BCL7B: variants seen among roughly 807,000 people sequenced by gnomAD.
BCL7B encodes BAF chromatin remodeling complex subunit BCL7B, also known as B-cell CLL/lymphoma 7 protein family member B.
In BCL7B, 11 loss-of-function variants were observed where a neutral mutation model predicts 26.5. That is an observed-to-expected ratio of 0.42 (90% CI 0.26 to 0.69). The LOEUF (loss-of-function observed/expected upper bound fraction) is 0.69. Ranked by LOEUF, BCL7B falls within the 30% of genes least tolerant of loss-of-function variation. The pLI is 0.28. For missense variants in BCL7B, 215 were observed against 264.4 expected (o/e 0.81, Z 1.30); for synonymous variants, 111 against 107.9 (o/e 1.03, Z -0.18).
chr7:73,543,520 G>A (rs781793077), intron 3 of BCL7B, 28 bp downstream of exon 3: 18 of 1,594,072 alleles, frequency 1.1e-5, no homozygotes, highest in Non-Finnish European at 1.0e-5. Context: ...TCATTCTCCT[G>A]CAAGGAAGAC....
chr7:73,538,963 TTC>T (rs1269520983), intron 4 of BCL7B, among the ~76,000 whole-genome samples: 2 of 152,046 alleles, frequency 1.3e-5, no homozygotes, highest in Non-Finnish European at 2.9e-5. Flanking sequence ...GATTTAACCT[TTC>T]TCTGTTTTTT....
Position 73,537,923 on chromosome 7 carries a change from T to G in BCL7B, c.516+11A>C, listed in dbSNP as rs1365210848. 1.3e-6 allele frequency: 2 copies of G among 1,567,168 alleles called. No individual in the cohort carries two copies. Among genetic ancestry groups the G allele is most frequent in the Non-Finnish European group, 1.7e-6 (2 of 1,159,818 alleles). ...AAACAAAAAACTGGAAAACTCAAAG[T>G]GATTGCTTACCTGTGTCTCTAGTGG... On this transcript the variant is annotated intron_variant, in intron 5 of 5. Coordinates refer to ENST00000223368, the MANE Select transcript of BCL7B (RefSeq NM_001707.4).
At chr7:73,555,303 G>A (rs1792319257) in intron 1 of BCL7B, among the ~76,000 whole-genome samples, 1 of 151,356 alleles carries the variant, frequency 6.6e-6, no homozygotes, top group Admixed American at 6.6e-5. Flanking sequence ...TACTCGGGAG[G>A]CTGAGGCAGA....
chr7:73,548,435 C>A (rs1028993849), intron 2 of BCL7B, among the ~76,000 whole-genome samples: 2 of 151,708 alleles, frequency 1.3e-5, no homozygotes, highest in Non-Finnish European at 2.9e-5. Flanking sequence ...CTCGAAAAAA[C>A]AAAACAAAAT....
intron 3 of BCL7B, among the ~76,000 whole-genome samples, chr7:73,540,829 CAAAAAAAAAAAA>C (rs56111929): frequency 1.4e-4 from 7 of 50,942 alleles, no homozygotes; most frequent in Admixed American, 3.5e-4. Context: ...GACTCTGTCT[CAAAAAAAAAAAA>C]AAAAAAAAAA....
chr7:73,554,261 C>A (rs1330469280), intron 1 of BCL7B, among the ~76,000 whole-genome samples: 8 of 151,770 alleles, frequency 5.3e-5, no homozygotes, highest in Middle Eastern at 3.4e-3. Flanking sequence ...CCGTGCCCAG[C>A]CTCTCCTTCA....
At position 73,537,362 on chromosome 7, in the gene BCL7B, G is replaced by A; in HGVS notation, c.545C>T (p.Ala182Val). The A allele has an allele frequency of 1.9e-6, 3 of 1,614,106 alleles. No homozygotes were observed. The highest frequency in any genetic ancestry group is 2.2e-5 in the East Asian group (1 of 44,880). Residue 182 changes from alanine to valine, a missense_variant, in exon 6 of 6, where the codon GCC (alanine) becomes GTC (valine). Coordinates refer to ENST00000223368, the MANE Select transcript of BCL7B (RefSeq NM_001707.4). Reference protein sequence around the residue: ...QVVEEEEDSGAPPLKRFCVDQ... With the variant: ...QVVEEEEDSGVPPLKRFCVDQ... The stretch of plus-strand genomic sequence containing the variant: ...CACACAGAAGCGCTTCAGGGGCGGG[G>A]CACCTGAGTCTTCCTCTTCCTCAAC...
At chr7:73,550,991 ACAT>A (rs1220378361) in intron 2 of BCL7B, among the ~76,000 whole-genome samples, 1 of 152,218 alleles carries the variant, frequency 6.6e-6, no homozygotes, top group Non-Finnish European at 1.5e-5. Flanking sequence ...ACAAAAATAC[ACAT>A]ATGAAACAAT....
At chr7:73,539,722 G>T in intron 4 of BCL7B, 160 bp downstream of exon 4, 1 of 839,052 alleles carries the variant, frequency 1.2e-6, no homozygotes, top group Non-Finnish European at 1.8e-6. Flanking sequence ...TTCCCTCTGT[G>T]AAAGGGGAAA....
At chr7:73,556,684 C>A (rs1343871431) in intron 1 of BCL7B, among the ~76,000 whole-genome samples, 1 of 152,092 alleles carries the variant, frequency 6.6e-6, no homozygotes, top group Admixed American at 6.5e-5. Context: ...TGCCGTGGCA[C>A]GATCATAGCT....
intron 1 of BCL7B, among the ~76,000 whole-genome samples, chr7:73,555,129 G>C (rs1792314580): frequency 6.6e-6 from 1 of 152,140 alleles, no homozygotes; most frequent in Non-Finnish European, 1.5e-5. Context: ...CAGGAGGCCA[G>C]GCACAGTGGC....
intron 4 of BCL7B, among the ~76,000 whole-genome samples, chr7:73,539,259 CT>C (rs113169208): frequency 8.1e-5 from 12 of 148,148 alleles, no homozygotes; most frequent in African/African-American, 9.9e-5. Flanking sequence ...CGCGCCAGGT[CT>C]TTTTTTTTTG....
At chr7:73,540,225 G>A in intron 3 of BCL7B, 173 bp from the exon 4 acceptor site, 1 of 653,966 alleles carries the variant, frequency 1.5e-6, no homozygotes. Context: ...GAGGCAGCCA[G>A]AATCTTTATG....
chr7:73,551,949 C>T (rs1365007935), intron 2 of BCL7B, among the ~76,000 whole-genome samples: 3 of 151,802 alleles, frequency 2.0e-5, no homozygotes, highest in Non-Finnish European at 4.4e-5. Context: ...CAAAAATCAG[C>T]TGGGTGTGGT....
chr7:73,553,245 C>A (rs1273076020), intron 1 of BCL7B, among the ~76,000 whole-genome samples: 1 of 152,044 alleles, frequency 6.6e-6, no homozygotes, highest in Non-Finnish European at 1.5e-5. Flanking sequence ...CACACCTGGC[C>A]TCCTGTGTCC....
chr7:73,546,317 C>A (rs1162295666), intron 2 of BCL7B, among the ~76,000 whole-genome samples: 1 of 151,942 alleles, frequency 6.6e-6, no homozygotes, highest in Non-Finnish European at 1.5e-5. Flanking sequence ...CCAGAAGGAG[C>A]AGAATAACTG....
rs953528752 is a variant in BCL7B, at chr7:73,537,150, C to T, written c.*148G>A. 9.0e-6 allele frequency: 6 copies of T among 669,272 alleles called. No individual in the cohort carries two copies. Among genetic ancestry groups the T allele is most frequent in the African/African-American group, 1.8e-5 (1 of 56,194 alleles). The allele number at this position is 669,272 out of a possible 1,614,324, so 41.5% of individuals were successfully genotyped here. A position where few individuals can be genotyped will look rare whatever the true frequency, so the allele number is the denominator to read the frequency against. ...GGTCAGGAAGATGATGCTACAGCCCCAAGTCCTACGCCAGCCTTCCAGCCC... is the reference window on the plus strand; with the variant it reads ...GGTCAGGAAGATGATGCTACAGCCCTAAGTCCTACGCCAGCCTTCCAGCCC... On this transcript the variant is annotated 3_prime_UTR_variant, in exon 6 of 6. Transcript: ENST00000223368.
Position 73,552,208 on chromosome 7 carries a change from G to A in BCL7B, c.127C>T (p.Leu43=). The change falls in exon 2 of 6, where the codon CTG becomes TTG. Residue 43 remains leucine, a synonymous_variant. Transcript: ENST00000223368. ...ACAGGAACCCACTTAAATATCCTCA[G>A]GGACGTGTCACCCACAGTCACCCAC... ...KKWVTVGDTS[L]RIFKWVPVTD... is the part of the protein sequence containing the mutation. The A allele has an allele frequency of 3.1e-6, 5 of 1,610,784 alleles. No individual in the cohort carries two copies. Among genetic ancestry groups the A allele is most frequent in the Non-Finnish European group, 4.2e-6 (5 of 1,179,186 alleles).
Position 73,537,118 on chromosome 7 carries a change from G to A in BCL7B, c.*180C>T. 1.8e-6 allele frequency: 1 copy of A among 544,366 alleles called. No individual in the cohort carries two copies. The highest frequency in any genetic ancestry group is 5.2e-4 in the Middle Eastern group (1 of 1,916). 33.7% of individuals were successfully genotyped at this position (544,366 alleles called of 1,614,324 possible). Reference sequence around the variant, plus strand: ...TCTTCTCGGGAGCAAGTAGACACAGGTGCCAGGGTCAGGAAGATGATGCTA... The same window carrying A: ...TCTTCTCGGGAGCAAGTAGACACAGATGCCAGGGTCAGGAAGATGATGCTA... On this transcript the variant is annotated 3_prime_UTR_variant, in exon 6 of 6. Transcript: ENST00000223368.
Sources: gnomAD v4.1 joint callset for allele counts (sites outside exome capture counted in the v4.1 genomes callset) on GRCh38, gnomAD v4.1.1 for gene constraint, MANE v1.5 for transcripts, NCBI Gene and HGNC (gene_info 2026-07-23, HGNC 2026-07-21) for gene names.